Variants in IPMK observed in about 807,000 individuals in gnomAD.
IPMK encodes the protein inositol polyphosphate multikinase.
Under a neutral mutation model 45.8 loss-of-function variants are expected in IPMK, and 17 were observed. The observed-to-expected ratio is 0.37, with a 90% CI of 0.25 to 0.56. The LOEUF is 0.56. Ranked by LOEUF, IPMK falls within the 20% of genes least tolerant of loss-of-function variation. IPMK has a pLI of 0.79. For missense variants in IPMK, 399 were observed against 498.0 expected, an observed-to-expected ratio of 0.80 and a Z score of 1.89; for synonymous variants, 180 against 184.3, an observed-to-expected ratio of 0.98 and a Z score of 0.19.
chr10:58,221,272 T>C (rs1331356316), intron 3 of IPMK, among the ~76,000 whole-genome samples: 4 of 152,128 alleles, frequency 2.6e-5, no homozygotes, highest in Non-Finnish European at 5.9e-5. Flanking sequence ...TCAACTATCA[T>C]GATCTGTTTC....
chr10:58,228,724 G>A (rs1207245417), intron 2 of IPMK, among the ~76,000 whole-genome samples: 2 of 152,114 alleles, frequency 1.3e-5, no homozygotes, highest in East Asian at 1.9e-4. Flanking sequence ...TAGTAGAGAC[G>A]AGGTTTCACC....
intron 1 of IPMK, among the ~76,000 whole-genome samples, chr10:58,252,982 A>G (rs1838907646): frequency 6.6e-6 from 1 of 152,174 alleles, no homozygotes; most frequent in Non-Finnish European, 1.5e-5. Flanking sequence ...CAGACTGAAG[A>G]ACTCTCTCTA....
chr10:58,225,896 G>A (rs541784271), intron 3 of IPMK, among the ~76,000 whole-genome samples: 2 of 152,068 alleles, frequency 1.3e-5, no homozygotes, highest in Admixed American at 6.6e-5. Flanking sequence ...ATGACCAAAG[G>A]GCAATCATAA....
chr10:58,222,148 G>A (rs1236602054), intron 3 of IPMK, among the ~76,000 whole-genome samples: 2 of 152,300 alleles, frequency 1.3e-5, no homozygotes, highest in Admixed American at 1.3e-4. Flanking sequence ...GCCTCCCAAA[G>A]TGCTGGGATT....
intron 1 of IPMK, among the ~76,000 whole-genome samples, chr10:58,250,571 T>C (rs1447870370): frequency 1.3e-5 from 2 of 152,202 alleles, no homozygotes; most frequent in African/African-American, 4.8e-5. Context: ...TCTAACAGTA[T>C]TTTGGTGGAG....
At chr10:58,233,429 T>A (rs1838557610) in intron 2 of IPMK, among the ~76,000 whole-genome samples, 1 of 152,152 alleles carries the variant, frequency 6.6e-6, no homozygotes, top group Admixed American at 6.5e-5. Context: ...CTCAATAAAA[T>A]ACTGGCAAAC....
rs1315416915 is a variant in IPMK at position 58,267,831 on chromosome 10, G to T, written c.-220C>A. ...CGGCGGAACGCGGCTCCCGGCTCCT[G>T]TTCCTCTGCCGCCGCAGCCGCCGGC... On this transcript the variant is annotated 5_prime_UTR_variant, in exon 1 of 6. Coordinates refer to ENST00000373935, the MANE Select transcript of IPMK (RefSeq NM_152230.5). The T allele has an allele frequency of 1.6e-5, 8 of 490,822 alleles. No homozygotes were observed. Among genetic ancestry groups the T allele is most frequent in the East Asian group, 3.6e-5 (1 of 27,426 alleles). The allele number at this position is 490,822 out of a possible 1,614,324, so 30.4% of individuals were successfully genotyped here. A position where few individuals can be genotyped will look rare whatever the true frequency, so the allele number is the denominator to read the frequency against.
At chr10:58,265,423 T>A (rs1194433026) in intron 1 of IPMK, among the ~76,000 whole-genome samples, 1 of 152,228 alleles carries the variant, frequency 6.6e-6, no homozygotes, top group Non-Finnish European at 1.5e-5. Flanking sequence ...AAACTGTACA[T>A]GACTTATGAC....
chr10:58,257,147 C>A (rs1838981769), intron 1 of IPMK, among the ~76,000 whole-genome samples: 1 of 152,164 alleles, frequency 6.6e-6, no homozygotes, highest in East Asian at 1.9e-4. Context: ...AAAGTATATA[C>A]ATTATATACA....
chr10:58,230,102 G>A (rs1458563023), intron 2 of IPMK, among the ~76,000 whole-genome samples: 1 of 152,176 alleles, frequency 6.6e-6, no homozygotes, highest in Non-Finnish European at 1.5e-5. Flanking sequence ...AGCCTGGCTG[G>A]GGGAGGGGAA....
chr10:58,210,249 T>C (rs746339236), intron 4 of IPMK, among the ~76,000 whole-genome samples: 16 of 152,168 alleles, frequency 1.1e-4, no homozygotes, highest in Non-Finnish European at 2.4e-4. Flanking sequence ...TCCCACGCAG[T>C]TGGCGAGGCT....
chr10:58,259,460 TAATGAATGAATGAATG>T (rs138646652), intron 1 of IPMK, among the ~76,000 whole-genome samples: 93 of 149,840 alleles, frequency 6.2e-4, no homozygotes, highest in Admixed American at 1.1e-3. Flanking sequence ...TCCACCTTAA[TAATGAATGAATGAATG>T]AATGAATGAA....
At chr10:58,245,544 G>A (rs182137421) in intron 1 of IPMK, among the ~76,000 whole-genome samples, 5 of 149,612 alleles carry the variant, frequency 3.3e-5, no homozygotes, top group African/African-American at 5.1e-5. Flanking sequence ...CACAGGAGGC[G>A]GATGCTACAG....
At chr10:58,222,317 T>C (rs933811686) in intron 3 of IPMK, among the ~76,000 whole-genome samples, 4 of 152,248 alleles carry the variant, frequency 2.6e-5, no homozygotes, top group African/African-American at 9.6e-5. Flanking sequence ...TGATGTAGTT[T>C]ACAAGTAAAG....
chr10:58,198,906 G>T (rs1476292898), intron 5 of IPMK, among the ~76,000 whole-genome samples: 1 of 151,952 alleles, frequency 6.6e-6, no homozygotes, highest in African/African-American at 2.4e-5. Flanking sequence ...AATATACTAT[G>T]ATCTATAACG....
intron 1 of IPMK, among the ~76,000 whole-genome samples, chr10:58,249,391 T>C (rs922833805): frequency 1.3e-5 from 2 of 152,204 alleles, no homozygotes; most frequent in Non-Finnish European, 2.9e-5. Context: ...GTTTGACGTT[T>C]TAATAATAGC....
chr10:58,224,070 T>A (rs1184661394), intron 3 of IPMK, among the ~76,000 whole-genome samples: 3 of 152,168 alleles, frequency 2.0e-5, no homozygotes, highest in Non-Finnish European at 4.4e-5. Flanking sequence ...CAGCTATTTC[T>A]GAGAACAATA....
intron 2 of IPMK, among the ~76,000 whole-genome samples, chr10:58,228,238 C>T (rs1838451391): frequency 6.6e-6 from 1 of 152,136 alleles, no homozygotes; most frequent in Admixed American, 6.5e-5. Flanking sequence ...TCTCTGTGTA[C>T]TGATCTAAAG....
intron 1 of IPMK, among the ~76,000 whole-genome samples, chr10:58,251,126 T>C (rs895396524): frequency 2.0e-5 from 3 of 152,218 alleles, no homozygotes; most frequent in African/African-American, 4.8e-5. Flanking sequence ...CTGACATCAG[T>C]GTTTATTGCT....
Sources: allele counts gnomAD v4.1 joint callset (sites outside exome capture counted in the v4.1 genomes callset), GRCh38; gene constraint gnomAD v4.1.1; transcripts MANE v1.5; gene names NCBI Gene and HGNC (gene_info 2026-07-23, HGNC 2026-07-21).